The following ADCK1 variants were observed in gnomAD, a reference collection of about 807,000 sequenced individuals.
ADCK1 encodes the protein aarF domain-containing protein kinase 1.
ADCK1 carries 41 observed loss-of-function variants against 52.3 expected under a neutral mutation model. The observed-to-expected ratio is 0.78, with a 90% CI of 0.61 to 1.02. The LOEUF (loss-of-function observed/expected upper bound fraction) is 1.02, where lower values mean the gene tolerates loss of function less well. ADCK1 is among the 50% of genes least tolerant of loss of function. The pLI is 0.00. For missense variants in ADCK1, 658 were observed against 679.5 expected (o/e 0.97, Z 0.35); for synonymous variants, 250 against 274.6 (o/e 0.91, Z 0.89).
intron 7 of ADCK1, among the ~76,000 whole-genome samples, chr14:77,920,245 T>G (rs1331112428): frequency 6.6e-6 from 1 of 152,254 alleles, no homozygotes; most frequent in East Asian, 1.9e-4. Context: ...GTCTTAGATT[T>G]AAGTCTTTGA....
intron 5 of ADCK1, among the ~76,000 whole-genome samples, chr14:77,897,731 A>T (rs2083442285): frequency 6.6e-6 from 1 of 152,192 alleles, no homozygotes; most frequent in Admixed American, 6.5e-5. Context: ...AAGTATAGAA[A>T]ATAGTATTAT....
chr14:77,850,372 A>G (rs1299073040), intron 3 of ADCK1, among the ~76,000 whole-genome samples: 5 of 152,184 alleles, frequency 3.3e-5, no homozygotes, highest in Non-Finnish European at 7.3e-5. Context: ...TCTATTTGTT[A>G]TATCATGTAT....
intron 3 of ADCK1, among the ~76,000 whole-genome samples, chr14:77,837,267 G>T (rs978070665): frequency 6.6e-6 from 1 of 151,374 alleles, no homozygotes; most frequent in African/African-American, 2.4e-5. Flanking sequence ...CTCCCAAGTA[G>T]TTGGGATTAC....
At chr14:77,900,682 T>G in intron 6 of ADCK1, 1 of 440,056 alleles carries the variant, frequency 2.3e-6, no homozygotes, top group East Asian at 7.0e-5. Context: ...GAGGTGTGTT[T>G]GTTTTGTGTA....
At chr14:77,838,454 T>C (rs1046185457) in intron 3 of ADCK1, among the ~76,000 whole-genome samples, 5 of 152,270 alleles carry the variant, frequency 3.3e-5, no homozygotes, top group Admixed American at 3.3e-4. Flanking sequence ...TGGAGTGCAG[T>C]GGTGCAATCA....
At chr14:77,930,902 G>A (rs191907315) in intron 9 of ADCK1, among the ~76,000 whole-genome samples, 4 of 151,978 alleles carry the variant, frequency 2.6e-5, no homozygotes, top group Non-Finnish European at 5.9e-5. Flanking sequence ...GACAGGGATC[G>A]TGGGGAGGCC....
chr14:77,863,468 GCA>G (rs146074203), intron 4 of ADCK1, among the ~76,000 whole-genome samples: 1,766 of 149,798 alleles, frequency 0.012, 41 homozygotes, highest in Admixed American at 0.061. Flanking sequence ...ATACACACAC[GCA>G]CACACACACA....
intron 1 of ADCK1, among the ~76,000 whole-genome samples, chr14:77,801,307 GA>G (rs2081105009): frequency 6.6e-6 from 1 of 151,824 alleles, no homozygotes; most frequent in Admixed American, 6.6e-5. Context: ...TGCTTTATAG[GA>G]AAAAAAATCC....
intron 10 of ADCK1, among the ~76,000 whole-genome samples, chr14:77,932,388 T>C (rs896362782): frequency 2.6e-5 from 4 of 152,168 alleles, no homozygotes; most frequent in Non-Finnish European, 4.4e-5. Flanking sequence ...TGGGCATTAA[T>C]GAGGAAGAGA....
intron 3 of ADCK1, among the ~76,000 whole-genome samples, chr14:77,847,045 T>C (rs745824706): frequency 6.6e-6 from 1 of 152,018 alleles, no homozygotes; most frequent in Non-Finnish European, 1.5e-5. Context: ...AAGTCAGGAC[T>C]AGGAGGAGGT....
chr14:77,833,284 C>T (rs2081895024), intron 3 of ADCK1, among the ~76,000 whole-genome samples: 1 of 152,210 alleles, frequency 6.6e-6, no homozygotes, highest in African/African-American at 2.4e-5. Context: ...TTTGCACGTG[C>T]AGCACCTGTC....
At chr14:77,911,989 C>G (rs1479700115) in intron 7 of ADCK1, among the ~76,000 whole-genome samples, 1 of 152,172 alleles carries the variant, frequency 6.6e-6, no homozygotes, top group Non-Finnish European at 1.5e-5. Context: ...CTGGCGAGCT[C>G]TCTCACGTCC....
chr14:77,847,556 T>C (rs1325967554), intron 3 of ADCK1, among the ~76,000 whole-genome samples: 1 of 151,870 alleles, frequency 6.6e-6, no homozygotes, highest in Non-Finnish European at 1.5e-5. Context: ...GGTGATGGAG[T>C]GGGACTGTCT....
chr14:77,908,009 C>T, intron 7 of ADCK1, 90 bp downstream of exon 7: 4 of 1,021,360 alleles, frequency 3.9e-6, no homozygotes, highest in Non-Finnish European at 6.0e-6. Context: ...GGTGAGGCCT[C>T]AGAGTCTGGC....
intron 1 of ADCK1, among the ~76,000 whole-genome samples, chr14:77,817,068 C>T (rs188905429): frequency 2.0e-5 from 3 of 151,626 alleles, no homozygotes; most frequent in Admixed American, 1.3e-4. Flanking sequence ...ATGGCAAAAC[C>T]CTGTCTTTAC....
chr14:77,847,053 G>A lies in ADCK1; in HGVS notation c.220-12023G>A, dbSNP rs549075385. On this transcript the variant is annotated intron_variant, in intron 3 of 10. Coordinates refer to ENST00000238561, the MANE Select transcript of ADCK1 (RefSeq NM_020421.4). ...ATGGGTCAAGTCAGGACTAGGAGGA[G>A]GTGAAGGGAGGCAGGCTTGGGTCCA... is the stretch of plus-strand genomic sequence containing the variant. Among the ~76,000 whole-genome samples the A allele has an allele frequency of 2.0e-5, 3 of 152,212 alleles. No homozygotes were observed. The South Asian group carries it at 6.2e-4, about 32-fold the overall frequency.
At chr14:77,849,533 C>T (rs1212761213) in intron 3 of ADCK1, among the ~76,000 whole-genome samples, 3 of 152,020 alleles carry the variant, frequency 2.0e-5, no homozygotes, top group African/African-American at 7.2e-5. Flanking sequence ...CCTTGACCTC[C>T]GGGGCTCAAG....
At chr14:77,827,703 G>C (rs2081745409) in intron 3 of ADCK1, among the ~76,000 whole-genome samples, 1 of 152,140 alleles carries the variant, frequency 6.6e-6, no homozygotes, top group Admixed American at 6.6e-5. Flanking sequence ...AGTGCCTAAG[G>C]AGGGTGCAGA....
At chr14:77,872,457 A>T (rs1005802195) in intron 4 of ADCK1, among the ~76,000 whole-genome samples, 1 of 152,074 alleles carries the variant, frequency 6.6e-6, no homozygotes, top group African/African-American at 2.4e-5. Context: ...TGTGTTCCCT[A>T]AAAGCCAATC....
Sources: allele counts gnomAD v4.1 joint callset (sites outside exome capture counted in the v4.1 genomes callset), GRCh38; gene constraint gnomAD v4.1.1; transcripts MANE v1.5; gene names NCBI Gene and HGNC (gene_info 2026-07-23, HGNC 2026-07-21).